Variants in NTNG2 observed in about 807,000 individuals in gnomAD.
NTNG2 encodes the protein netrin-G2.
A neutral mutation model predicts 47.6 loss-of-function variants in NTNG2; 15 were observed. The ratio of observed to expected loss-of-function variants is 0.32; its 90% CI spans 0.21 to 0.49. NTNG2 has a LOEUF of 0.49. Among genes scored for constraint, NTNG2 ranks in the 20% least tolerant of loss-of-function variants. The probability of loss-of-function intolerance (pLI) is 0.99; values close to 1 mark genes in which losing one functional copy is unlikely to be tolerated. For synonymous variants in NTNG2, 307 were observed against 324.6 expected, an observed-to-expected ratio of 0.95 and a Z score of 0.58; for missense variants, 578 against 764.6, an observed-to-expected ratio of 0.76 and a Z score of 2.88.
intron 3 of NTNG2, among the ~76,000 whole-genome samples, chr9:132,212,621 G>T (rs753450773): frequency 5.3e-5 from 8 of 151,856 alleles, no homozygotes; most frequent in Non-Finnish European, 1.0e-4. Flanking sequence ...CTCTGTTGTT[G>T]GTTCCTCGCT....
Position 132,231,631 on chromosome 9 carries a change from ATC to A in NTNG2, c.1054+1041_1054+1042del, listed in dbSNP as rs543347703. 1.3e-3 allele frequency: 347 copies of A among 268,788 alleles called. 2 individuals are homozygous for A. Among genetic ancestry groups the A allele is most frequent in the African/African-American group, 7.5e-3 (321 of 42,786 alleles). 16.7% of individuals were successfully genotyped at this position (268,788 alleles called of 1,614,324 possible). ...CCCCCAACCCTCTCTTGCTTTTCCC[ATC>A]TCTCACCAGGCATCAGCAGGTCCCA... On this transcript the variant is annotated intron_variant, in intron 5 of 7. Transcript: ENST00000393229. This position sits in a 1 kb window ranked among gnomAD's most constrained non-coding sequence, Gnocchi z 4.1.
intron 1 of NTNG2, among the ~76,000 whole-genome samples, chr9:132,164,322 C>T (rs1426299914): frequency 1.3e-5 from 2 of 152,144 alleles, no homozygotes; most frequent in Admixed American, 1.3e-4. Flanking sequence ...CCCCAGCCTC[C>T]CGGCCTCCGG....
At position 132,196,835 on chromosome 9, in the gene NTNG2, C is replaced by G. The variant is rs527897146; in HGVS notation, c.214-1131C>G. ...CACCACACTGCCCCCACCTCTGACG[C>G]AATTGCAAGTTCCTGCCTCCCGTAC... On this transcript the variant is annotated intron_variant, in intron 2 of 7. Coordinates refer to ENST00000393229, the MANE Select transcript of NTNG2 (RefSeq NM_032536.4). Among the ~76,000 whole-genome samples, 3 of 152,284 alleles carry G rather than the reference C, an allele frequency of 2.0e-5. No homozygotes were observed. In the East Asian group the frequency reaches 5.8e-4, roughly 29 times the overall value.
intron 5 of NTNG2, among the ~76,000 whole-genome samples, chr9:132,235,402 T>A (rs538945108): frequency 1.3e-5 from 2 of 152,316 alleles, no homozygotes; most frequent in African/African-American, 4.8e-5. Flanking sequence ...TTCTCAGGCA[T>A]GGGTTCACCT....
At chr9:132,220,326 T>C (rs989009140) in intron 3 of NTNG2, among the ~76,000 whole-genome samples, 1 of 152,202 alleles carries the variant, frequency 6.6e-6, no homozygotes, top group African/African-American at 2.4e-5. Flanking sequence ...TCCTCTGAAG[T>C]ACAAAAATAT....
chr9:132,201,869 C>A (rs921559109), intron 3 of NTNG2, among the ~76,000 whole-genome samples: 19 of 152,202 alleles, frequency 1.2e-4, no homozygotes, highest in African/African-American at 3.4e-4. Context: ...ATCCCCACCC[C>A]CTGGAGCGCT....
intron 3 of NTNG2, among the ~76,000 whole-genome samples, chr9:132,224,449 G>A (rs1396115996): frequency 6.6e-6 from 1 of 152,064 alleles, no homozygotes; most frequent in Non-Finnish European, 1.5e-5. Context: ...ATCCCTGTGT[G>A]CCACCTATTT....
chr9:132,166,022 A>G (rs1230814099), intron 1 of NTNG2: 1 of 152,142 alleles, frequency 6.6e-6, no homozygotes, highest in Non-Finnish European at 1.5e-5. Context: ...CCCTCTTACA[A>G]TGAAAGACAA....
chr9:132,196,224 C>T (rs1057034776), intron 2 of NTNG2, among the ~76,000 whole-genome samples: 3 of 152,142 alleles, frequency 2.0e-5, no homozygotes, highest in Non-Finnish European at 4.4e-5. Context: ...GAGTTTCACT[C>T]TTGTTGCCCA....
rs1335555769 is a variant in NTNG2, at chr9:132,194,468, C to T, written c.214-3498C>T. Among the ~76,000 whole-genome samples the T allele has an allele frequency of 2.0e-5, 3 of 152,310 alleles. No individual in the cohort carries two copies. In the East Asian group the frequency reaches 5.8e-4, roughly 29 times the overall value. On this transcript the variant is annotated intron_variant, in intron 2 of 7. Coordinates refer to ENST00000393229, the MANE Select transcript of NTNG2 (RefSeq NM_032536.4). ...CAGCACAGGACAGGGTGTGTCTTGC[C>T]CAGAGTCACCCGGCCAGTGAGTGAG...
At chr9:132,230,630 C>T (rs1432486434) in intron 5 of NTNG2, 35 bp downstream of exon 5, 5 of 1,598,126 alleles carry the variant, frequency 3.1e-6, no homozygotes, top group East Asian at 4.5e-5. Flanking sequence ...GCCAGGGCCC[C>T]CACTGCACGA....
chr9:132,232,031 G>A (rs1999033), intron 5 of NTNG2: 69,470 of 152,206 alleles, frequency 0.46, 16,047 homozygotes, highest in South Asian at 0.58. Context: ...AGCTTCCAAA[G>A]TCGTCTTCCT....
At chr9:132,178,217 C>T (rs570829799) in intron 2 of NTNG2, among the ~76,000 whole-genome samples, 1 of 151,976 alleles carries the variant, frequency 6.6e-6, no homozygotes, top group East Asian at 1.9e-4. Context: ...ATTTTCTTCT[C>T]CCTCTTTCAG....
At chr9:132,172,769 G>A (rs561376947) in intron 2 of NTNG2, among the ~76,000 whole-genome samples, 6 of 125,226 alleles carry the variant, frequency 4.8e-5, no homozygotes, top group African/African-American at 6.3e-5. Context: ...TCGCTCTGTC[G>A]CCCAGGCTGG....
At chr9:132,171,301 T>A (rs1177073770) in intron 2 of NTNG2, among the ~76,000 whole-genome samples, 1 of 152,184 alleles carries the variant, frequency 6.6e-6, no homozygotes, top group Non-Finnish European at 1.5e-5. Context: ...AGGGGTATGA[T>A]CTTCACTGCC....
At chr9:132,170,482 G>A (rs1178844332) in intron 2 of NTNG2, among the ~76,000 whole-genome samples, 5 of 152,208 alleles carry the variant, frequency 3.3e-5, no homozygotes, top group Non-Finnish European at 7.3e-5. Context: ...GAGGCAGGAA[G>A]GGCGACGGGC....
chr9:132,199,812 C>T (rs1589446141), intron 3 of NTNG2, among the ~76,000 whole-genome samples: 1 of 152,174 alleles, frequency 6.6e-6, no homozygotes, highest in African/African-American at 2.4e-5. Flanking sequence ...TGTGGACAAC[C>T]CAGGCCTGCT....
In NTNG2 at chr9:132,180,771, G is replaced by GAACCTACCCAGAA. The variant is rs1160878281; in HGVS notation, c.213+13732_213+13744dup. The stretch of plus-strand genomic sequence containing the variant: ...AAGACCCAGAGGGGAGAAATGCAGG[G>GAACCTACCCAGAA]AACCTACCCAGAAAACCCTGGAGCG... On this transcript the variant is annotated intron_variant, in intron 2 of 7. Coordinates refer to ENST00000393229, the MANE Select transcript of NTNG2 (RefSeq NM_032536.4). The surrounding 1 kb of genome is among the most constrained non-coding windows in gnomAD (Gnocchi z 4.2). Among the ~76,000 whole-genome samples, 1 of 152,180 alleles carries GAACCTACCCAGAA rather than the reference G, an allele frequency of 6.6e-6. No individual in the cohort carries two copies. Among genetic ancestry groups the GAACCTACCCAGAA allele is most frequent in the East Asian group, 1.9e-4 (1 of 5,194 alleles).
At position 132,197,939 on chromosome 9, in the gene NTNG2, C is replaced by T. The variant is rs971733068; in HGVS notation, c.214-27C>T. 4.4e-6 allele frequency: 7 copies of T among 1,589,758 alleles called. No individual in the cohort carries two copies. The highest frequency in any genetic ancestry group is 6.0e-6 in the Non-Finnish European group (7 of 1,167,266). On this transcript the variant is annotated intron_variant, in intron 2 of 7. Transcript: ENST00000393229. The surrounding 1 kb of genome is among the most constrained non-coding windows in gnomAD (Gnocchi z 4.3). ...GCCATCCCGAGCATCCAGCACCCAC[C>T]CTTCCCTTCTCCTCTCCCCGCTGCA...
Sources: gnomAD v4.1 joint callset for allele counts (sites outside exome capture counted in the v4.1 genomes callset) on GRCh38, gnomAD v4.1.1 for gene constraint, Gnocchi (gnomAD v3.1) non-coding constraint, MANE v1.5 for transcripts, NCBI Gene and HGNC (gene_info 2026-07-23, HGNC 2026-07-21) for gene names.